Variants in MCTP1 observed in about 807,000 individuals in gnomAD.
MCTP1 encodes multiple C2 and transmembrane domain-containing protein 1.
A neutral mutation model predicts 120.6 loss-of-function variants in MCTP1; 69 were observed. The ratio of observed to expected loss-of-function variants is 0.57; its 90% CI spans 0.47 to 0.70. The LOEUF (loss-of-function observed/expected upper bound fraction) is 0.70. MCTP1 is among the 30% of genes least tolerant of loss of function. The pLI is 0.00. For missense variants in MCTP1, 1,203 were observed against 1,248.8 expected, an observed-to-expected ratio of 0.96 and a Z score of 0.55; for synonymous variants, 529 against 493.1, an observed-to-expected ratio of 1.07 and a Z score of -0.96.
chr5:94,758,074 G>A (rs1310864689), intron 19 of MCTP1, among the ~76,000 whole-genome samples: 1 of 152,110 alleles, frequency 6.6e-6, no homozygotes, highest in Non-Finnish European at 1.5e-5. Flanking sequence ...AGTAAATGGA[G>A]GCAACAGATG....
At chr5:94,709,922 A>G (rs1207024624) in intron 21 of MCTP1, 1 of 152,074 alleles carries the variant, frequency 6.6e-6, no homozygotes, top group Non-Finnish European at 1.5e-5. Flanking sequence ...CTTTATTCCA[A>G]CATATTTCTT....
intron 3 of MCTP1, among the ~76,000 whole-genome samples, chr5:94,947,575 T>TAGAG (rs1252999006): frequency 8.4e-5 from 4 of 47,426 alleles, no homozygotes; most frequent in Non-Finnish European, 1.6e-4. Flanking sequence ...TATATATATA[T>TAGAG]ATAGAGAGAG....
At position 95,017,495 on chromosome 5, in the gene MCTP1, C is replaced by A. The variant is rs199839707; in HGVS notation, c.721-11G>T. 1.9e-5 allele frequency: 29 copies of A among 1,533,632 alleles called. No individual in the cohort carries two copies. Among genetic ancestry groups the A allele is most frequent in the African/African-American group, 2.8e-5 (2 of 72,438 alleles). On this transcript the variant is annotated splice_polypyrimidine_tract_variant and intron_variant, in intron 1 of 22. Coordinates refer to ENST00000515393, the MANE Select transcript of MCTP1 (RefSeq NM_024717.7). ...AGTGTTTATTATTTTCTGGAAAACA[C>A]GAAATATAAAAAATATTAAATTTAT...
At chr5:95,172,182 C>T (rs1001825008) in intron 1 of MCTP1, among the ~76,000 whole-genome samples, 15 of 152,134 alleles carry the variant, frequency 9.9e-5, no homozygotes, top group African/African-American at 3.1e-4. Flanking sequence ...CACTCCAGAC[C>T]GTTTGCCTAC....
intron 2 of MCTP1, among the ~76,000 whole-genome samples, chr5:94,971,869 T>C (rs1826970077): frequency 6.6e-6 from 1 of 152,166 alleles, no homozygotes; most frequent in South Asian, 2.1e-4. Flanking sequence ...CATTCTACTC[T>C]AACAAATTCC....
intron 1 of MCTP1, among the ~76,000 whole-genome samples, chr5:95,182,658 C>T (rs1748733294): frequency 6.6e-6 from 1 of 151,978 alleles, no homozygotes; most frequent in South Asian, 2.1e-4. Flanking sequence ...CAGTCCCACA[C>T]CACTGTGGAA....
intron 17 of MCTP1, among the ~76,000 whole-genome samples, chr5:94,814,808 G>C (rs1376715928): frequency 1.3e-5 from 2 of 152,108 alleles, no homozygotes; most frequent in African/African-American, 2.4e-5. Context: ...AGGAGAATGA[G>C]GATAGTGTAT....
chr5:94,963,152 T>C (rs1824698872), intron 2 of MCTP1, among the ~76,000 whole-genome samples: 1 of 152,118 alleles, frequency 6.6e-6, no homozygotes, highest in Non-Finnish European at 1.5e-5. Flanking sequence ...TTCCAACATA[T>C]GAATTTTGAT....
intron 11 of MCTP1, among the ~76,000 whole-genome samples, chr5:94,892,538 G>C (rs1280440854): frequency 6.6e-6 from 1 of 152,062 alleles, no homozygotes; most frequent in African/African-American, 2.4e-5. Context: ...AATGGAATTA[G>C]CCATCTTCTC....
chr5:95,065,616 C>T (rs976534406), intron 1 of MCTP1, among the ~76,000 whole-genome samples: 10 of 151,950 alleles, frequency 6.6e-5, no homozygotes, highest in African/African-American at 1.4e-4. Context: ...TCTCTTAATC[C>T]GATAAAAGCA....
intron 17 of MCTP1, among the ~76,000 whole-genome samples, chr5:94,802,714 C>T (rs963142695): frequency 1.3e-5 from 2 of 152,060 alleles, no homozygotes; most frequent in African/African-American, 4.8e-5. Context: ...ACGAGAGATA[C>T]AATAATGCAT....
intron 1 of MCTP1, among the ~76,000 whole-genome samples, chr5:95,227,859 T>A (rs935823599): frequency 3.9e-5 from 6 of 152,168 alleles, no homozygotes; most frequent in Admixed American, 6.5e-5. Flanking sequence ...ATAAAGTATG[T>A]CTCTGCCCTC....
chr5:95,042,397 G>A (rs1842503048), intron 1 of MCTP1, among the ~76,000 whole-genome samples: 1 of 152,142 alleles, frequency 6.6e-6, no homozygotes, highest in Non-Finnish European at 1.5e-5. Flanking sequence ...GGAAGATGCA[G>A]AAAGTTATTG....
intron 2 of MCTP1, among the ~76,000 whole-genome samples, chr5:94,963,465 A>G (rs1443807709): frequency 7.4e-6 from 1 of 135,122 alleles, no homozygotes; most frequent in Non-Finnish European, 1.6e-5. Flanking sequence ...CCTGTCCAAC[A>G]CTTGTTTTCT....
At chr5:94,869,666 T>C (rs1335547667) in intron 16 of MCTP1, among the ~76,000 whole-genome samples, 1 of 152,108 alleles carries the variant, frequency 6.6e-6, no homozygotes, top group Non-Finnish European at 1.5e-5. Context: ...TTTCAAGGCA[T>C]AAATATGTTC....
intron 4 of MCTP1, among the ~76,000 whole-genome samples, chr5:94,941,760 T>C (rs2153506403): frequency 6.6e-6 from 1 of 152,000 alleles, no homozygotes; most frequent in East Asian, 1.9e-4. Context: ...AGCCCATTAT[T>C]AGGTGTAAGG....
chr5:94,756,519 C>CA (rs1358496001), intron 19 of MCTP1, among the ~76,000 whole-genome samples: 1 of 152,144 alleles, frequency 6.6e-6, no homozygotes, highest in African/African-American at 2.4e-5. Flanking sequence ...GGCTGTGTCT[C>CA]AGAGGCTGGT....
At chr5:95,137,220 G>C in intron 1 of MCTP1, among the ~76,000 whole-genome samples, 1 of 152,130 alleles carries the variant, frequency 6.6e-6, no homozygotes, top group African/African-American at 2.4e-5. Flanking sequence ...AGCTTGCTTC[G>C]GGGGAAGTAT....
intron 17 of MCTP1, among the ~76,000 whole-genome samples, chr5:94,838,121 T>C (rs886840490): frequency 3.3e-5 from 5 of 152,198 alleles, no homozygotes; most frequent in African/African-American, 1.2e-4. Context: ...AAATTATACA[T>C]TTATCTAGAG....
Sources: gnomAD v4.1 joint callset for allele counts (sites outside exome capture counted in the v4.1 genomes callset) on GRCh38, gnomAD v4.1.1 for gene constraint, MANE v1.5 for transcripts, NCBI Gene and HGNC (gene_info 2026-07-23, HGNC 2026-07-21) for gene names.